Variants in FILIP1 observed in about 807,000 individuals in gnomAD.
FILIP1 encodes the protein filamin-A-interacting protein 1.
Under a neutral mutation model 102.1 loss-of-function variants are expected in FILIP1, and 61 were observed. That is an observed-to-expected ratio of 0.60 (90% CI 0.49 to 0.74). FILIP1 has a LOEUF of 0.74. Ranked by LOEUF, FILIP1 falls within the 30% of genes least tolerant of loss-of-function variation. The pLI, the probability that FILIP1 is intolerant of heterozygous loss-of-function variation, is 0.00. For missense variants in FILIP1, 1,314 were observed against 1,441.2 expected, an observed-to-expected ratio of 0.91 and a Z score of 1.43; for synonymous variants, 491 against 526.9, an observed-to-expected ratio of 0.93 and a Z score of 0.93.
At chr6:75,418,925 A>C (rs1777360155) in intron 1 of FILIP1, among the ~76,000 whole-genome samples, 1 of 152,116 alleles carries the variant, frequency 6.6e-6, no homozygotes, top group South Asian at 2.1e-4. Context: ...GAAGAAAAGA[A>C]AGATCAAATG....
At chr6:75,408,768 T>G (rs1196057439) in intron 2 of FILIP1, among the ~76,000 whole-genome samples, 4 of 152,184 alleles carry the variant, frequency 2.6e-5, no homozygotes, top group Non-Finnish European at 5.9e-5. Flanking sequence ...TCTTATCCTA[T>G]CTCCCAAAAC....
intron 1 of FILIP1, among the ~76,000 whole-genome samples, chr6:75,446,693 A>G (rs1012476776): frequency 1.3e-5 from 2 of 152,130 alleles, no homozygotes; most frequent in Non-Finnish European, 2.9e-5. Flanking sequence ...TCTCCCTGGC[A>G]ATAAAAGGAG....
chr6:75,302,883 C>G (rs145801706), intron 6 of FILIP1, among the ~76,000 whole-genome samples: 92 of 150,074 alleles, frequency 6.1e-4, no homozygotes, highest in Admixed American at 3.1e-3. Context: ...GATCAACTTG[C>G]ATTTTGGAAA....
At chr6:75,368,469 C>A (rs1177693740) in intron 2 of FILIP1, among the ~76,000 whole-genome samples, 1 of 152,144 alleles carries the variant, frequency 6.6e-6, no homozygotes, top group Non-Finnish European at 1.5e-5. Context: ...TAACTGCATC[C>A]TCGGGAATTC....
intron 6 of FILIP1, among the ~76,000 whole-genome samples, chr6:75,299,316 A>G (rs1005907910): frequency 3.3e-5 from 5 of 152,132 alleles, no homozygotes; most frequent in Admixed American, 2.6e-4. Context: ...ATAATTTTGC[A>G]CAACTATCAT....
At chr6:75,330,854 T>C (rs1391847084) in intron 4 of FILIP1, among the ~76,000 whole-genome samples, 1 of 152,140 alleles carries the variant, frequency 6.6e-6, no homozygotes, top group Non-Finnish European at 1.5e-5. Flanking sequence ...AACTAGTTGT[T>C]GAAAATTATA....
Position 75,372,689 on chromosome 6 carries a change from A to G in FILIP1, c.277-9772T>C, listed in dbSNP as rs371195774. ...AGAAAGAAAGAAAGAAAGAAAGAGAAAGAAAGAGAAAGAAAGAAAGAAAGG... is the reference window on the plus strand; with the variant it reads ...AGAAAGAAAGAAAGAAAGAAAGAGAGAGAAAGAGAAAGAAAGAAAGAAAGG... On this transcript the variant is annotated intron_variant, in intron 2 of 5. Transcript: ENST00000237172. Among the ~76,000 whole-genome samples the G allele has an allele frequency of 6.8e-4, 31 of 45,552 alleles. No individual in the cohort carries two copies. The East Asian group carries it at 8.2e-3, about 12-fold the overall frequency. 29.9% of individuals were successfully genotyped at this position (45,552 alleles called of 152,430 possible). A position where few individuals can be genotyped will look rare whatever the true frequency, so the allele number is the denominator to read the frequency against.
At chr6:75,408,526 A>G (rs1182024360) in intron 2 of FILIP1, among the ~76,000 whole-genome samples, 5 of 152,246 alleles carry the variant, frequency 3.3e-5, no homozygotes, top group Non-Finnish European at 5.9e-5. Context: ...TTGGCTCAAC[A>G]ATTTTCCATA....
intron 1 of FILIP1, among the ~76,000 whole-genome samples, chr6:75,451,808 T>C (rs1294471532): frequency 2.0e-5 from 3 of 152,120 alleles, no homozygotes; most frequent in Admixed American, 2.0e-4. Context: ...CACTCCAGCC[T>C]GGGCATTGCA....
rs956215372 is a variant in FILIP1, at chr6:75,474,958, C to G, written c.-7+18456G>C. Among the ~76,000 whole-genome samples the G allele has an allele frequency of 2.0e-5, 3 of 152,048 alleles. No homozygotes were observed. In the East Asian group the frequency reaches 5.8e-4, roughly 29 times the overall value. On this transcript the variant is annotated intron_variant, in intron 1 of 5. Coordinates refer to ENST00000237172, the MANE Select transcript of FILIP1 (RefSeq NM_015687.5). ...GCTCCTGCTCTGGCCATGTGACATG[C>G]CTACTCCCCCTTCACCTTCCGCCAT... is the stretch of plus-strand genomic sequence containing the variant.
intron 2 of FILIP1, among the ~76,000 whole-genome samples, chr6:75,392,771 G>A (rs1242278225): frequency 6.6e-6 from 1 of 152,114 alleles, no homozygotes; most frequent in Non-Finnish European, 1.5e-5. Flanking sequence ...ATGGGGGCAG[G>A]TCTTTCCCAT....
chr6:75,315,767 G>A (rs892442792), intron 4 of FILIP1, among the ~76,000 whole-genome samples: 7 of 152,202 alleles, frequency 4.6e-5, no homozygotes, highest in Non-Finnish European at 7.3e-5. Flanking sequence ...AACTTAGCCA[G>A]GAAGCCTTCA....
chr6:75,331,987 G>A (rs994250682), intron 4 of FILIP1, among the ~76,000 whole-genome samples: 2 of 152,168 alleles, frequency 1.3e-5, no homozygotes, highest in African/African-American at 4.8e-5. Flanking sequence ...AGGATATAAG[G>A]AAAAGACAGA....
chr6:75,460,369 A>T (rs762181885), intron 1 of FILIP1, among the ~76,000 whole-genome samples: 1 of 152,228 alleles, frequency 6.6e-6, no homozygotes, highest in African/African-American at 2.4e-5. Context: ...CTCTTAATAC[A>T]TCTTTCTGAT....
chr6:75,327,410 G>A (rs1337836251), intron 4 of FILIP1, among the ~76,000 whole-genome samples: 2 of 151,854 alleles, frequency 1.3e-5, no homozygotes, highest in East Asian at 1.9e-4. Context: ...CCCAGAAGCC[G>A]GAATGATCCT....
chr6:75,487,367 T>C (rs1188026913), intron 1 of FILIP1, among the ~76,000 whole-genome samples: 11 of 152,152 alleles, frequency 7.2e-5, no homozygotes, highest in African/African-American at 2.4e-4. Flanking sequence ...CATTTCCTCA[T>C]GTGCACTTAG....
chr6:75,446,688 C>T lies in FILIP1; in HGVS notation c.-6-31710G>A, dbSNP rs749795264. 3.3e-5 allele frequency among the ~76,000 whole-genome samples: 5 copies of T among 152,144 alleles called. 1 individual carries two copies. Among genetic ancestry groups the T allele is most frequent in the Non-Finnish European group, 7.4e-5 (5 of 67,988 alleles). ...TCTAGCCGCAACCATCAATCTCTCC[C>T]TGGCAATAAAAGGAGACTAAACCTT... On this transcript the variant is annotated intron_variant, in intron 1 of 5. Transcript: ENST00000237172.
intron 4 of FILIP1, among the ~76,000 whole-genome samples, chr6:75,335,113 G>C (rs1774199591): frequency 6.6e-6 from 1 of 152,122 alleles, no homozygotes; most frequent in Admixed American, 6.6e-5. Context: ...GCACATACTG[G>C]AATTTAAATA....
intron 2 of FILIP1, among the ~76,000 whole-genome samples, chr6:75,390,603 G>A (rs1444690363): frequency 6.6e-6 from 1 of 152,138 alleles, no homozygotes; most frequent in Non-Finnish European, 1.5e-5. Context: ...GATCTCACAA[G>A]AACTCACTAT....
Sources: gnomAD v4.1 joint callset for allele counts (sites outside exome capture counted in the v4.1 genomes callset) on GRCh38, gnomAD v4.1.1 for gene constraint, MANE v1.5 for transcripts, NCBI Gene and HGNC (gene_info 2026-07-23, HGNC 2026-07-21) for gene names.